KIRREL3: variants seen among roughly 807,000 people sequenced by gnomAD.
The protein encoded by KIRREL3 is kin of IRRE-like protein 3.
KIRREL3 carries 36 observed loss-of-function variants against 89.7 expected under a neutral mutation model. The observed-to-expected ratio is 0.40, with a 90% CI of 0.31 to 0.53. The LOEUF is 0.53. Ranked by LOEUF, KIRREL3 falls within the 20% of genes least tolerant of loss-of-function variation. The pLI, the probability that KIRREL3 is intolerant of heterozygous loss-of-function variation, is 0.49. For synonymous variants in KIRREL3, 445 were observed against 441.4 expected (o/e 1.01, Z -0.10); for missense variants, 864 against 1,056.6 (o/e 0.82, Z 2.53).
chr11:126,494,044 A>C (rs1359347549), intron 4 of KIRREL3, among the ~76,000 whole-genome samples: 1 of 152,224 alleles, frequency 6.6e-6, no homozygotes, highest in Non-Finnish European at 1.5e-5. Flanking sequence ...AAATTAAACA[A>C]ATCAGAATGA....
At chr11:126,458,045 G>A (rs956350966) in intron 6 of KIRREL3, among the ~76,000 whole-genome samples, 1 of 152,138 alleles carries the variant, frequency 6.6e-6, no homozygotes, top group East Asian at 1.9e-4. Flanking sequence ...GCATCCACAC[G>A]CCGAGGGATG....
chr11:126,861,786 G>A (rs2090100925), intron 1 of KIRREL3, among the ~76,000 whole-genome samples: 1 of 152,240 alleles, frequency 6.6e-6, no homozygotes, highest in Admixed American at 6.5e-5. Context: ...TGGATCTGAA[G>A]TGGAGTGTGG....
rs78656875 is a variant in KIRREL3, at chr11:126,959,658, C to T, written c.55+40797G>A. ...ATTCCTCCTTAGATATCTCAATGTT[C>T]TCCCGAATCAGCCTGTCCAAAGGAG... On this transcript the variant is annotated intron_variant, in intron 1 of 16. Coordinates refer to ENST00000525144, the MANE Select transcript of KIRREL3 (RefSeq NM_032531.4). Among the ~76,000 whole-genome samples, 763 of 152,292 alleles carry T rather than the reference C, an allele frequency of 5.0e-3. 6 individuals carry two copies. The highest frequency in any genetic ancestry group is 0.018 in the African/African-American group (730 of 41,550).
intron 1 of KIRREL3, among the ~76,000 whole-genome samples, chr11:126,855,801 T>C (rs1325526318): frequency 6.6e-6 from 1 of 152,146 alleles, no homozygotes; most frequent in Non-Finnish European, 1.5e-5. Context: ...TAGGAGATGG[T>C]CTGTGCCCTT....
chr11:126,736,377 T>C lies in KIRREL3; in HGVS notation c.56-173465A>G, dbSNP rs1345662502. ...TGACAAGTCATACACAGCTAAAACG[T>C]AGATGCCAGAGCCAGGATTTGATGA... On this transcript the variant is annotated intron_variant, in intron 1 of 16. Transcript: ENST00000525144. The surrounding 1 kb of genome is among the most constrained non-coding windows in gnomAD (Gnocchi z 5.0). 2.6e-5 allele frequency among the ~76,000 whole-genome samples: 4 copies of C among 152,196 alleles called. No individual in the cohort carries two copies. The highest frequency in any genetic ancestry group is 5.9e-5 in the Non-Finnish European group (4 of 68,038).
rs1300694426 is a variant in KIRREL3 at position 126,475,913 on chromosome 11, G to A, written c.434-2447C>T. Among the ~76,000 whole-genome samples, 2 of 152,194 alleles carry A rather than the reference G, an allele frequency of 1.3e-5. No homozygotes were observed. Among genetic ancestry groups the A allele is most frequent in the African/African-American group, 4.8e-5 (2 of 41,466 alleles). ...CTTCTTTCTTCAAGGCAGCCTCCCC[G>A]ACCAGGATGGAGGAGCTCGGGCTCC... On this transcript the variant is annotated intron_variant, in intron 4 of 16. Transcript: ENST00000525144. The surrounding 1 kb of genome is among the most constrained non-coding windows in gnomAD (Gnocchi z 7.5).
In KIRREL3 at chr11:126,544,524, G is replaced by T. The variant is rs1938624609; in HGVS notation, c.134-17837C>A. Among the ~76,000 whole-genome samples the T allele has an allele frequency of 6.6e-6, 1 of 152,142 alleles. No individual in the cohort carries two copies. The highest frequency in any genetic ancestry group is 6.5e-5 in the Admixed American group (1 of 15,278). On this transcript the variant is annotated intron_variant, in intron 2 of 16. Coordinates refer to ENST00000525144, the MANE Select transcript of KIRREL3 (RefSeq NM_032531.4). The surrounding 1 kb of genome is among the most constrained non-coding windows in gnomAD (Gnocchi z 5.6). ...GCAGGATGATAGGTCTGGGACTGGG[G>T]GTGGGACTGCCCGGGGCTACCTGGG... is the stretch of plus-strand genomic sequence containing the variant.
rs543935699 is a variant in KIRREL3, at chr11:126,747,534, G to C, written c.56-184622C>G. On this transcript the variant is annotated intron_variant, in intron 1 of 16. Coordinates refer to ENST00000525144, the MANE Select transcript of KIRREL3 (RefSeq NM_032531.4). This position sits in a 1 kb window ranked among gnomAD's most constrained non-coding sequence, Gnocchi z 4.7. Reference sequence around the variant, plus strand: ...TCATCCATCAAAGGCCTGCTCACATGTTCCCTCTCTGCAAAGCAGTGCTCT... The same window carrying C: ...TCATCCATCAAAGGCCTGCTCACATCTTCCCTCTCTGCAAAGCAGTGCTCT... 2.6e-5 allele frequency among the ~76,000 whole-genome samples: 4 copies of C among 151,850 alleles called. No individual in the cohort carries two copies. Among genetic ancestry groups the C allele is most frequent in the Admixed American group, 2.6e-4 (4 of 15,254 alleles).
chr11:127,001,671 G>A (rs556965726), upstream of KIRREL3, among the ~76,000 whole-genome samples: 1 of 152,080 alleles, frequency 6.6e-6, no homozygotes, highest in African/African-American at 2.4e-5. Flanking sequence ...ATCAAACTCG[G>A]TTTCCTCCAG....
At chr11:126,757,223 A>G (rs1004753234) in intron 1 of KIRREL3, among the ~76,000 whole-genome samples, 4 of 152,186 alleles carry the variant, frequency 2.6e-5, no homozygotes, top group Admixed American at 6.5e-5. Flanking sequence ...GTGCTACATA[A>G]AGGCACAATG....
rs748851680 is a variant in KIRREL3 at position 126,985,034 on chromosome 11, T to G, written c.55+15421A>C. On this transcript the variant is annotated intron_variant, in intron 1 of 16. Transcript: ENST00000525144. This position sits in a 1 kb window ranked among gnomAD's most constrained non-coding sequence, Gnocchi z 5.3. ...GTTGATTCAGGGAGGAAGACCATAA[T>G]TAATGTGAAAGTGTTCTGGAACTAT... Among the ~76,000 whole-genome samples, 12 of 152,176 alleles carry G rather than the reference T, an allele frequency of 7.9e-5. No homozygotes were observed. The highest frequency in any genetic ancestry group is 1.8e-4 in the Non-Finnish European group (12 of 68,026).
chr11:127,002,847 C>T (rs1366432017), upstream of KIRREL3: 1 of 152,206 alleles, frequency 6.6e-6, no homozygotes, highest in Admixed American at 6.5e-5. Flanking sequence ...GGTCACAAGG[C>T]TAGTGAAGTG....
chr11:126,803,013 C>A (rs1951088233), intron 1 of KIRREL3, among the ~76,000 whole-genome samples: 1 of 152,138 alleles, frequency 6.6e-6, no homozygotes, highest in East Asian at 1.9e-4. Context: ...ACAGAGTTAG[C>A]TAATTGATTC....
In KIRREL3 at chr11:126,977,161, C is replaced by G. The variant is rs1260076489; in HGVS notation, c.55+23294G>C. ...TCTGGGTCTTAGTGTCACTTGGCAC[C>G]TTTGTTACAGGCTCCTGCACCTCTT... is the stretch of plus-strand genomic sequence containing the variant. On this transcript the variant is annotated intron_variant, in intron 1 of 16. Transcript: ENST00000525144. The surrounding 1 kb of genome is among the most constrained non-coding windows in gnomAD (Gnocchi z 4.7). Among the ~76,000 whole-genome samples, 2 of 152,106 alleles carry G rather than the reference C, an allele frequency of 1.3e-5. No individual in the cohort carries two copies. The highest frequency in any genetic ancestry group is 2.9e-5 in the Non-Finnish European group (2 of 68,040).
At position 126,918,456 on chromosome 11, in the gene KIRREL3, C is replaced by T. The variant is rs958938409; in HGVS notation, c.55+81999G>A. ...TCTTTGTAAACTAAGCTGCTTGTTCCTCTGACAGGGTGATAAGCAAGCTTG... is the reference window on the plus strand; with the variant it reads ...TCTTTGTAAACTAAGCTGCTTGTTCTTCTGACAGGGTGATAAGCAAGCTTG... On this transcript the variant is annotated intron_variant, in intron 1 of 16. Coordinates refer to ENST00000525144, the MANE Select transcript of KIRREL3 (RefSeq NM_032531.4). This position sits in a 1 kb window ranked among gnomAD's most constrained non-coding sequence, Gnocchi z 6.5. Among the ~76,000 whole-genome samples, 5 of 152,200 alleles carry T rather than the reference C, an allele frequency of 3.3e-5. No individual in the cohort carries two copies. The highest frequency in any genetic ancestry group is 7.3e-5 in the Non-Finnish European group (5 of 68,042).
chr11:126,832,085 T>C (rs2134490272), intron 1 of KIRREL3, among the ~76,000 whole-genome samples: 1 of 152,334 alleles, frequency 6.6e-6, no homozygotes, highest in South Asian at 2.1e-4. Context: ...TTTCTGCCTT[T>C]ACACTTTTAA....
At chr11:126,944,693 C>T (rs1478431649) in intron 1 of KIRREL3, among the ~76,000 whole-genome samples, 2 of 152,194 alleles carry the variant, frequency 1.3e-5, no homozygotes, top group Non-Finnish European at 2.9e-5. Flanking sequence ...CCCCTACACC[C>T]ACACCTGCAA....
At chr11:126,465,927 G>A (rs1956708885) in intron 5 of KIRREL3, among the ~76,000 whole-genome samples, 3 of 152,192 alleles carry the variant, frequency 2.0e-5, no homozygotes, top group East Asian at 3.9e-4. Context: ...CGGGTAGGGC[G>A]CGCAGGGGCG....
intron 1 of KIRREL3, among the ~76,000 whole-genome samples, chr11:126,775,051 C>T (rs1327838857): frequency 6.6e-6 from 1 of 152,088 alleles, no homozygotes; most frequent in East Asian, 1.9e-4. Context: ...CAACTGGTAA[C>T]CAGTTGTCTG....
Sources: allele counts gnomAD v4.1 joint callset (sites outside exome capture counted in the v4.1 genomes callset), GRCh38; gene constraint gnomAD v4.1.1; non-coding constraint Gnocchi (gnomAD v3.1); transcripts MANE v1.5; gene names NCBI Gene and HGNC (gene_info 2026-07-23, HGNC 2026-07-21).